NXN: variants seen among roughly 807,000 people sequenced by gnomAD.
The protein encoded by NXN is nucleoredoxin.
A neutral mutation model predicts 48.6 loss-of-function variants in NXN; 16 were observed. The ratio of observed to expected loss-of-function variants is 0.33; its 90% CI spans 0.22 to 0.50. The LOEUF is 0.50. Ranked by LOEUF, NXN falls within the 20% of genes least tolerant of loss-of-function variation. NXN has a pLI of 0.98. For synonymous variants in NXN, 281 were observed against 269.6 expected, an observed-to-expected ratio of 1.04 and a Z score of -0.41; for missense variants, 492 against 605.5, an observed-to-expected ratio of 0.81 and a Z score of 1.97.
At chr17:929,351 T>C (rs533363968) in intron 1 of NXN, among the ~76,000 whole-genome samples, 10 of 152,322 alleles carry the variant, frequency 6.6e-5, no homozygotes, top group Admixed American at 3.3e-4. Flanking sequence ...ATATGTCCAA[T>C]TGGCTACACG....
intron 1 of NXN, among the ~76,000 whole-genome samples, chr17:882,315 G>A (rs2068293036): frequency 6.8e-6 from 1 of 148,132 alleles, no homozygotes; most frequent in African/African-American, 2.5e-5. Context: ...CCTCCACCCA[G>A]TGTCCCCAAA....
rs989623249 is a variant in NXN at position 854,216 on chromosome 17, A to T, written c.361-28138T>A. On this transcript the variant is annotated intron_variant, in intron 1 of 7. Transcript: ENST00000336868. ...TAGCTGCTTCTAATTCCCGCTTCCC[A>T]CCGTACTCGCTCTTCTCACTAAGGT... Among the ~76,000 whole-genome samples, 11 of 152,146 alleles carry T rather than the reference A, an allele frequency of 7.2e-5. No homozygotes were observed. The East Asian group carries it at 2.1e-3, about 29-fold the overall frequency.
chr17:901,952 A>G (rs746586980), intron 1 of NXN, among the ~76,000 whole-genome samples: 1 of 152,072 alleles, frequency 6.6e-6, no homozygotes, highest in East Asian at 1.9e-4. Flanking sequence ...CACCTGCCTC[A>G]GCCTCCCAAA....
chr17:812,327 C>T (rs972587563), intron 5 of NXN, among the ~76,000 whole-genome samples: 1 of 152,196 alleles, frequency 6.6e-6, no homozygotes, highest in Non-Finnish European at 1.5e-5. Context: ...CAGTGTAAGT[C>T]CAAAGACAGG....
Position 859,840 on chromosome 17 carries a change from A to C in NXN, c.361-33762T>G, listed in dbSNP as rs375426996. On this transcript the variant is annotated intron_variant, in intron 1 of 7. Transcript: ENST00000336868. ...ACTCTGACTTTTCATAGGTGACTAA[A>C]CAACAGGCAAAACCGAGCAAATTAA... Among the ~76,000 whole-genome samples, 20 of 152,300 alleles carry C rather than the reference A, an allele frequency of 1.3e-4. No individual in the cohort carries two copies. In the East Asian group the frequency reaches 1.9e-3, roughly 15 times the overall value.
intron 1 of NXN, among the ~76,000 whole-genome samples, chr17:964,743 A>G (rs2150632796): frequency 6.6e-6 from 1 of 152,382 alleles, no homozygotes; most frequent in Middle Eastern, 3.4e-3. Flanking sequence ...AAAGTAAGGT[A>G]AAATTCATGA....
At chr17:937,977 C>G (rs963562994) in intron 1 of NXN, among the ~76,000 whole-genome samples, 1 of 152,216 alleles carries the variant, frequency 6.6e-6, no homozygotes, top group African/African-American at 2.4e-5. Context: ...CAGGGGCCGT[C>G]GCTGAAGAAG....
At chr17:943,236 G>A (rs2069000228) in intron 1 of NXN, among the ~76,000 whole-genome samples, 1 of 152,182 alleles carries the variant, frequency 6.6e-6, no homozygotes, top group Admixed American at 6.5e-5. Context: ...TCTGTCAACT[G>A]AGGTGCTTGT....
chr17:916,028 T>C (rs1250307200), intron 1 of NXN, among the ~76,000 whole-genome samples: 2 of 152,216 alleles, frequency 1.3e-5, no homozygotes, highest in African/African-American at 4.8e-5. Context: ...ATAAAAACAC[T>C]GAAGCTCTTA....
chr17:934,221 G>A (rs985642096), intron 1 of NXN, among the ~76,000 whole-genome samples: 8 of 152,094 alleles, frequency 5.3e-5, no homozygotes, highest in Non-Finnish European at 4.4e-5. Context: ...TCAGGCAGGC[G>A]GATCACGAGG....
At chr17:806,000 A>G (rs1911475162) in intron 5 of NXN, among the ~76,000 whole-genome samples, 1 of 152,070 alleles carries the variant, frequency 6.6e-6, no homozygotes, top group South Asian at 2.1e-4. Flanking sequence ...TGCTGTGGCC[A>G]CCGATGCAAG....
At chr17:887,319 G>A (rs1367040387) in intron 1 of NXN, among the ~76,000 whole-genome samples, 3 of 152,182 alleles carry the variant, frequency 2.0e-5, no homozygotes, top group Admixed American at 1.3e-4. Flanking sequence ...CGGAGGTGCA[G>A]GGGGAGGTGT....
At chr17:801,827 T>C (rs1286405349) in intron 7 of NXN, among the ~76,000 whole-genome samples, 1 of 152,220 alleles carries the variant, frequency 6.6e-6, no homozygotes, top group Non-Finnish European at 1.5e-5. Context: ...CTGAGGCCAA[T>C]CTGGACTTCA....
chr17:876,794 A>G (rs1011174947), intron 1 of NXN, among the ~76,000 whole-genome samples: 1 of 152,112 alleles, frequency 6.6e-6, no homozygotes, highest in Non-Finnish European at 1.5e-5. Context: ...CTGGAATCCC[A>G]GCACTTTGGG....
chr17:819,258 T>C (rs1359885111), intron 5 of NXN, 181 bp downstream of exon 5: 6 of 644,872 alleles, frequency 9.3e-6, no homozygotes, highest in African/African-American at 9.1e-5. Flanking sequence ...ACAATACTTA[T>C]TTTTTAAAAA....
chr17:901,599 A>C (rs2068538195), intron 1 of NXN, among the ~76,000 whole-genome samples: 1 of 152,228 alleles, frequency 6.6e-6, no homozygotes, highest in Admixed American at 6.5e-5. Context: ...CAATGAATTC[A>C]AACAAAGCAC....
chr17:896,205 T>A (rs1419117315), intron 1 of NXN, among the ~76,000 whole-genome samples: 2 of 151,986 alleles, frequency 1.3e-5, no homozygotes, highest in African/African-American at 4.8e-5. Flanking sequence ...CCGGGCGTGG[T>A]GGCGCATGCC....
At chr17:890,533 C>T (rs1177873129) in intron 1 of NXN, among the ~76,000 whole-genome samples, 1 of 141,540 alleles carries the variant, frequency 7.1e-6, no homozygotes, top group Admixed American at 7.1e-5. Flanking sequence ...CACCAGCACG[C>T]CCGGCTAATT....
intron 1 of NXN, among the ~76,000 whole-genome samples, chr17:832,827 G>T (rs1597642112): frequency 1.3e-5 from 2 of 152,104 alleles, no homozygotes; most frequent in African/African-American, 4.8e-5. Flanking sequence ...TTGGGTCTTT[G>T]TTTCCACGTA....
Sources: gnomAD v4.1 joint callset for allele counts (sites outside exome capture counted in the v4.1 genomes callset) on GRCh38, gnomAD v4.1.1 for gene constraint, MANE v1.5 for transcripts, NCBI Gene and HGNC (gene_info 2026-07-23, HGNC 2026-07-21) for gene names.